SCLT1: variants seen among roughly 807,000 people sequenced by gnomAD.
SCLT1 encodes the protein sodium channel-associated protein 1.
SCLT1 carries 78 observed loss-of-function variants against 112.8 expected under a neutral mutation model. That is an observed-to-expected ratio of 0.69 (90% CI 0.58 to 0.83). SCLT1 has a LOEUF of 0.83. Among genes scored for constraint, SCLT1 ranks in the 40% least tolerant of loss-of-function variants. The pLI is 0.00. For missense variants in SCLT1, 747 were observed against 770.4 expected, an observed-to-expected ratio of 0.97 and a Z score of 0.36; for synonymous variants, 257 against 254.7, an observed-to-expected ratio of 1.01 and a Z score of -0.09.
intron 5 of SCLT1, among the ~76,000 whole-genome samples, chr4:129,033,126 A>C (rs919586428): frequency 2.4e-4 from 37 of 152,190 alleles, no homozygotes; most frequent in African/African-American, 8.4e-4. Context: ...AATGTGGCAC[A>C]TATACACATA....
At chr4:128,931,682 TC>T (rs1736779387) in intron 18 of SCLT1, among the ~76,000 whole-genome samples, 1 of 152,184 alleles carries the variant, frequency 6.6e-6, no homozygotes, top group South Asian at 2.1e-4. Context: ...CAGGATGGTC[TC>T]GATCTCTTGA....
intron 18 of SCLT1, among the ~76,000 whole-genome samples, chr4:128,933,397 T>G (rs1483374120): frequency 3.3e-5 from 5 of 152,156 alleles, no homozygotes; most frequent in African/African-American, 4.8e-5. Context: ...ATGTTTCAAT[T>G]TATTGCACAT....
chr4:129,037,558 T>C (rs1210861708), intron 5 of SCLT1: 9 of 152,180 alleles, frequency 5.9e-5, no homozygotes, highest in Non-Finnish European at 1.2e-4. Context: ...ATGGTAGTAA[T>C]AGGGATGGTG....
At chr4:129,032,429 G>A (rs945960243) in intron 5 of SCLT1, among the ~76,000 whole-genome samples, 2 of 152,072 alleles carry the variant, frequency 1.3e-5, no homozygotes, top group African/African-American at 4.8e-5. Flanking sequence ...AAAGGCATGG[G>A]CAAAGACTTC....
At chr4:128,939,824 A>T (rs1311879368) in intron 17 of SCLT1, among the ~76,000 whole-genome samples, 1 of 152,172 alleles carries the variant, frequency 6.6e-6, no homozygotes, top group Admixed American at 6.5e-5. Flanking sequence ...GGCTTCTTTC[A>T]GTTTATCTAC....
chr4:129,009,054 C>T (rs4546253), intron 5 of SCLT1, among the ~76,000 whole-genome samples: 41,052 of 152,036 alleles, frequency 0.27, 5,932 homozygotes, highest in South Asian at 0.35. Context: ...TTTCTTTATC[C>T]AGTCCACTGT....
chr4:129,092,306 C>T (rs868476770), intron 1 of SCLT1, among the ~76,000 whole-genome samples: 3 of 152,140 alleles, frequency 2.0e-5, no homozygotes, highest in Admixed American at 6.5e-5. Flanking sequence ...TCAAACCAGC[C>T]GTATTGCAAG....
At chr4:128,932,894 A>G (rs1736885100) in intron 18 of SCLT1, among the ~76,000 whole-genome samples, 1 of 152,174 alleles carries the variant, frequency 6.6e-6, no homozygotes, top group Admixed American at 6.5e-5. Flanking sequence ...TTCAACCAAG[A>G]AGGTGAAAAA....
At chr4:128,962,442 C>T (rs938243330) in intron 11 of SCLT1, among the ~76,000 whole-genome samples, 7 of 152,140 alleles carry the variant, frequency 4.6e-5, no homozygotes, top group Middle Eastern at 3.4e-3. Context: ...TAAGAACAGA[C>T]GTTAATTGTA....
At chr4:128,934,029 T>C (rs1210160731) in intron 18 of SCLT1, among the ~76,000 whole-genome samples, 2 of 152,052 alleles carry the variant, frequency 1.3e-5, no homozygotes, top group Admixed American at 6.5e-5. Context: ...ATTAAGTTAA[T>C]TTGTTTAATT....
intron 9 of SCLT1, 155 bp from the exon 10 acceptor site, chr4:128,970,623 T>C (rs1340578894): frequency 6.8e-6 from 4 of 590,716 alleles, no homozygotes; most frequent in Non-Finnish European, 1.2e-5. Context: ...TTATTACTAA[T>C]GAAGTGCATG....
At chr4:129,072,442 T>G (rs974480228) in intron 2 of SCLT1, among the ~76,000 whole-genome samples, 1 of 152,210 alleles carries the variant, frequency 6.6e-6, no homozygotes, top group African/African-American at 2.4e-5. Flanking sequence ...ACACCAATTA[T>G]TCTTAAGTTT....
chr4:128,894,747 C>T (rs900504835), intron 18 of SCLT1, among the ~76,000 whole-genome samples: 4 of 152,056 alleles, frequency 2.6e-5, no homozygotes, highest in South Asian at 4.1e-4. Flanking sequence ...GGCGTGATCT[C>T]GGCTCACTGC....
At chr4:129,058,574 A>C (rs1257475638) in intron 2 of SCLT1, among the ~76,000 whole-genome samples, 1 of 152,194 alleles carries the variant, frequency 6.6e-6, no homozygotes, top group Non-Finnish European at 1.5e-5. Flanking sequence ...GGTCACAAAC[A>C]ATAGTTGAAA....
chr4:129,011,688 C>CTATT (rs1204343206), intron 5 of SCLT1, among the ~76,000 whole-genome samples: 2 of 151,838 alleles, frequency 1.3e-5, no homozygotes, highest in Non-Finnish European at 2.9e-5. Context: ...GGTTCATAGG[C>CTATT]TATTTATTAC....
At chr4:128,961,581 C>T (rs1053873361) in intron 11 of SCLT1, among the ~76,000 whole-genome samples, 3 of 152,076 alleles carry the variant, frequency 2.0e-5, no homozygotes, top group African/African-American at 4.8e-5. Flanking sequence ...TCCCCACTAA[C>T]CACATCAAAA....
chr4:128,948,466 T>C (rs1347646841), intron 15 of SCLT1, 30 bp downstream of exon 15: 3 of 1,599,190 alleles, frequency 1.9e-6, no homozygotes, highest in African/African-American at 1.3e-5. Context: ...AGTTGGGTTT[T>C]AGGTAGTTAT....
In SCLT1 at chr4:129,026,502, C is replaced by T. The variant is rs190179496; in HGVS notation, c.290+12539G>A. 3.9e-4 allele frequency among the ~76,000 whole-genome samples: 60 copies of T among 151,956 alleles called. 1 individual carries two copies. In the East Asian group the frequency reaches 8.7e-3, roughly 22 times the overall value. ...AAATAAAGATGTTCTTTGAAACCAA[C>T]GAGAACAAAGACACAACATACCAGA... On this transcript the variant is annotated intron_variant, in intron 5 of 20. Transcript: ENST00000281142.
intron 11 of SCLT1, among the ~76,000 whole-genome samples, 191 bp from the exon 12 acceptor site, chr4:128,959,968 C>G (rs1739542086): frequency 6.6e-6 from 1 of 152,094 alleles, no homozygotes; most frequent in Non-Finnish European, 1.5e-5. Flanking sequence ...TAAAGAACAA[C>G]AAACATACCC....
Sources: gnomAD v4.1 joint callset for allele counts (sites outside exome capture counted in the v4.1 genomes callset) on GRCh38, gnomAD v4.1.1 for gene constraint, MANE v1.5 for transcripts, NCBI Gene and HGNC (gene_info 2026-07-23, HGNC 2026-07-21) for gene names.